The following SLC9C1 variants were observed in gnomAD, a reference collection of about 807,000 sequenced individuals.
SLC9C1 encodes the protein solute carrier family 9 member C1, also known as sodium/hydrogen exchanger 10.
Under a neutral mutation model 140.9 loss-of-function variants are expected in SLC9C1, and 97 were observed. The observed-to-expected ratio is 0.69, with a 90% confidence interval of 0.58 to 0.82. SLC9C1 has a LOEUF of 0.82. SLC9C1 is among the 40% of genes least tolerant of loss of function. The pLI is 0.00. For synonymous variants in SLC9C1, 440 were observed against 442.6 expected (o/e 0.99, Z 0.07); for missense variants, 1,340 against 1,389.3 (o/e 0.96, Z 0.56).
chr3:112,202,541 AT>A, intron 17 of SLC9C1, 142 bp from the exon 18 acceptor site: 3 of 747,686 alleles, frequency 4.0e-6, no homozygotes, highest in Non-Finnish European at 6.1e-6. Context: ...GTTCTTTGTT[AT>A]TTTTTTAGTG....
At chr3:112,173,485 A>G (rs1219342974) in intron 23 of SLC9C1, among the ~76,000 whole-genome samples, 1 of 152,058 alleles carries the variant, frequency 6.6e-6, no homozygotes, top group Admixed American at 6.6e-5. Flanking sequence ...TTTTGTGTCC[A>G]TATGTACTTG....
At chr3:112,153,854 A>G (rs182628746) in intron 27 of SLC9C1, among the ~76,000 whole-genome samples, 141 of 152,324 alleles carry the variant, frequency 9.3e-4, no homozygotes, top group Middle Eastern at 3.4e-3. Flanking sequence ...AATTCCATTC[A>G]ACAGGCAATA....
chr3:112,268,286 A>G (rs1435525842), intron 7 of SLC9C1, among the ~76,000 whole-genome samples: 1 of 152,184 alleles, frequency 6.6e-6, no homozygotes, highest in African/African-American at 2.4e-5. Flanking sequence ...TTATAATTGA[A>G]TTTAATCCAC....
intron 13 of SLC9C1, among the ~76,000 whole-genome samples, chr3:112,228,004 A>C (rs1488743911): frequency 6.6e-6 from 1 of 152,118 alleles, no homozygotes; most frequent in Non-Finnish European, 1.5e-5. Context: ...CTGTGGATTC[A>C]ACGCAATCCC....
At chr3:112,174,501 C>A (rs898764117) in intron 23 of SLC9C1, among the ~76,000 whole-genome samples, 2 of 152,056 alleles carry the variant, frequency 1.3e-5, no homozygotes, top group African/African-American at 2.4e-5. Context: ...GTGGAGGGAG[C>A]GGGGGTGCAG....
chr3:112,208,382 CAA>C lies in SLC9C1; in HGVS notation c.1791-11_1791-10del. 1 of 1,505,772 alleles carries C rather than the reference CAA, an allele frequency of 6.6e-7. No individual in the cohort carries two copies. The highest frequency in any genetic ancestry group is 8.9e-7 in the Non-Finnish European group (1 of 1,119,714). The allele number at this position is 1,505,772 out of a possible 1,614,324, so 93.3% of individuals were successfully genotyped here. On this transcript the variant is annotated splice_polypyrimidine_tract_variant and intron_variant, in intron 15 of 28. Transcript: ENST00000305815. ...TACGAAAAAAGAAGTATCTGTAAAA[CAA>C]AAAGACAGTTTTATCTGATAAAAGG...
chr3:112,206,492 G>T (rs1553790653), intron 16 of SLC9C1, among the ~76,000 whole-genome samples: 1 of 152,012 alleles, frequency 6.6e-6, no homozygotes, highest in Admixed American at 6.6e-5. Context: ...CCCATTACTG[G>T]GTAGATACCT....
At chr3:112,194,197 G>A (rs1008393551) in intron 20 of SLC9C1, among the ~76,000 whole-genome samples, 1 of 152,176 alleles carries the variant, frequency 6.6e-6, no homozygotes. Flanking sequence ...TGGAAAGACT[G>A]TGCGATACTT....
Position 112,263,025 on chromosome 3 carries a change from T to G in SLC9C1, c.1096A>C (p.Ile366Leu), listed in dbSNP as rs756602128. Reference protein sequence around the residue: ...GHEFSWRWIFIMVCSEMKGMP... With the variant: ...GHEFSWRWIFLMVCSEMKGMP... ...CCCTTCATTTCACTACAGACCATTA[T>G]GAATATCCAGCGCCAACTGAACTCA... The change falls in exon 10 of 29, where the codon ATA (isoleucine) becomes CTA (leucine). Residue 366 changes from isoleucine to leucine, a missense_variant. Ile to Leu is a conservative substitution (Grantham distance 5, BLOSUM62 2). Coordinates refer to ENST00000305815, the MANE Select transcript of SLC9C1 (RefSeq NM_183061.3). The G allele has an allele frequency of 2.5e-6, 4 of 1,608,182 alleles. No individual in the cohort carries two copies. In the South Asian group the frequency reaches 4.4e-5, roughly 18 times the overall value.
chr3:112,221,881 T>G (rs1396995303), intron 13 of SLC9C1, among the ~76,000 whole-genome samples: 1 of 152,182 alleles, frequency 6.6e-6, no homozygotes, highest in Non-Finnish European at 1.5e-5. Flanking sequence ...TGCTGAACAC[T>G]ATTCAGAAAC....
At chr3:112,170,660 A>C (rs959434905) in intron 23 of SLC9C1, among the ~76,000 whole-genome samples, 1 of 152,232 alleles carries the variant, frequency 6.6e-6, no homozygotes, top group African/African-American at 2.4e-5. Flanking sequence ...CAAACTTTTT[A>C]GGCAAAAATA....
intron 28 of SLC9C1, among the ~76,000 whole-genome samples, chr3:112,146,662 T>C (rs1449778090): frequency 6.6e-6 from 1 of 152,226 alleles, no homozygotes; most frequent in Admixed American, 6.5e-5. Context: ...ATTCCACTGT[T>C]GTCCAAGAAT....
intron 23 of SLC9C1, among the ~76,000 whole-genome samples, chr3:112,169,744 A>G (rs1576260749): frequency 6.6e-6 from 1 of 152,040 alleles, no homozygotes; most frequent in Non-Finnish European, 1.5e-5. Context: ...GAATTTTAGG[A>G]TAGTTTTTTC....
chr3:112,233,075 T>A (rs868606648), intron 12 of SLC9C1, among the ~76,000 whole-genome samples: 38,616 of 140,948 alleles, frequency 0.27, 5,523 homozygotes, highest in East Asian at 0.35. Flanking sequence ...ATATTATATT[T>A]TTTTTTTTTT....
chr3:112,280,682 C>T lies in SLC9C1; in HGVS notation c.189+1G>A. 11 of 1,598,320 alleles carry T rather than the reference C, an allele frequency of 6.9e-6. No homozygotes were observed. The highest frequency in any genetic ancestry group is 8.5e-6 in the Non-Finnish European group (10 of 1,172,418). On this transcript the variant is annotated splice_donor_variant, in intron 3 of 28. Transcript: ENST00000305815. LOFTEE classifies it high-confidence loss of function. ...GTAAAATACTCATTTACAATACACA[C>T]CTGTGAAGATGTAAAGCTTAATACT...
intron 26 of SLC9C1, among the ~76,000 whole-genome samples, chr3:112,162,592 G>A (rs1049228937): frequency 6.6e-6 from 1 of 152,108 alleles, no homozygotes; most frequent in African/African-American, 2.4e-5. Context: ...TGCGTATATT[G>A]AACCAGCCTT....
chr3:112,191,884 A>G (rs540770686), intron 20 of SLC9C1, among the ~76,000 whole-genome samples: 3 of 152,182 alleles, frequency 2.0e-5, no homozygotes, highest in African/African-American at 7.2e-5. Flanking sequence ...TCTTCCTAAT[A>G]TGCAATGTCC....
At chr3:112,177,005 CTTTT>C (rs57879370) in intron 23 of SLC9C1, among the ~76,000 whole-genome samples, 1 of 104,706 alleles carries the variant, frequency 9.6e-6, no homozygotes. Context: ...CTCTCTCTCT[CTTTT>C]TTTTTTTTTT....
chr3:112,222,159 C>T (rs2078558120), intron 13 of SLC9C1, among the ~76,000 whole-genome samples: 1 of 152,026 alleles, frequency 6.6e-6, no homozygotes, highest in South Asian at 2.1e-4. Context: ...TTCTTAGTAT[C>T]CTCAAGATAA....
Sources: allele counts gnomAD v4.1 joint callset (sites outside exome capture counted in the v4.1 genomes callset), GRCh38; gene constraint gnomAD v4.1.1; transcripts MANE v1.5; gene names NCBI Gene and HGNC (gene_info 2026-07-23, HGNC 2026-07-21).